The following GSTCD variants were observed in gnomAD, a reference collection of about 807,000 sequenced individuals.
GSTCD encodes glutathione S-transferase C-terminal domain-containing protein.
Under a neutral mutation model 68.3 loss-of-function variants are expected in GSTCD, and 44 were observed. The ratio of observed to expected loss-of-function variants is 0.64; its 90% CI spans 0.51 to 0.83. The LOEUF (loss-of-function observed/expected upper bound fraction) is 0.83. Among genes scored for constraint, GSTCD ranks in the 40% least tolerant of loss-of-function variants. The pLI is 0.00. For missense variants in GSTCD, 739 were observed against 735.9 expected (o/e 1.00, Z -0.05); for synonymous variants, 273 against 255.2 (o/e 1.07, Z -0.67).
intron 5 of GSTCD, among the ~76,000 whole-genome samples, chr4:105,735,755 G>T (rs1049969845): frequency 1.6e-4 from 25 of 152,118 alleles, no homozygotes; most frequent in Admixed American, 5.9e-4. Flanking sequence ...ATCACTCCGT[G>T]TGATTTCTTC....
intron 3 of GSTCD, among the ~76,000 whole-genome samples, chr4:105,722,187 C>G (rs1412430171): frequency 6.6e-6 from 1 of 152,106 alleles, no homozygotes; most frequent in Non-Finnish European, 1.5e-5. Context: ...TACACACACA[C>G]ACACAGACAT....
At chr4:105,770,117 G>A (rs1734784847) in intron 5 of GSTCD, among the ~76,000 whole-genome samples, 1 of 152,124 alleles carries the variant, frequency 6.6e-6, no homozygotes, top group Admixed American at 6.5e-5. Context: ...TTGACAGATT[G>A]GCAGAAGAAA....
intron 5 of GSTCD, among the ~76,000 whole-genome samples, chr4:105,771,720 T>C (rs1734855709): frequency 6.6e-6 from 1 of 152,164 alleles, no homozygotes; most frequent in South Asian, 2.1e-4. Flanking sequence ...TTCTGTTCCA[T>C]TCGTCTATAT....
chr4:105,751,728 A>G (rs988835118), intron 5 of GSTCD, among the ~76,000 whole-genome samples: 1 of 138,966 alleles, frequency 7.2e-6, no homozygotes, highest in African/African-American at 3.4e-5. Context: ...TGTTATGTTC[A>G]TGGAGAAGGA....
At chr4:105,833,179 C>T (rs1723969553) in intron 8 of GSTCD, among the ~76,000 whole-genome samples, 1 of 152,082 alleles carries the variant, frequency 6.6e-6, no homozygotes. Context: ...TAATATTTTA[C>T]TTTCGCTGGG....
chr4:105,734,047 G>T (rs1373611915), intron 5 of GSTCD, among the ~76,000 whole-genome samples: 1 of 152,222 alleles, frequency 6.6e-6, no homozygotes, highest in African/African-American at 2.4e-5. Flanking sequence ...GATTTCTGCT[G>T]AGAGATCAGC....
At chr4:105,788,609 T>C (rs1245807848) in intron 5 of GSTCD, among the ~76,000 whole-genome samples, 1 of 151,868 alleles carries the variant, frequency 6.6e-6, no homozygotes, top group African/African-American at 2.4e-5. Context: ...ATATCTCACT[T>C]AAAAAAAAGT....
At chr4:105,771,627 A>G (rs1482538361) in intron 5 of GSTCD, among the ~76,000 whole-genome samples, 1 of 152,166 alleles carries the variant, frequency 6.6e-6, no homozygotes, top group East Asian at 1.9e-4. Flanking sequence ...TAAATAGGGA[A>G]TCCTTTTCCC....
chr4:105,815,472 T>C (rs1374890410), intron 5 of GSTCD, among the ~76,000 whole-genome samples: 1 of 152,134 alleles, frequency 6.6e-6, no homozygotes, highest in African/African-American at 2.4e-5. Flanking sequence ...ACTTTAGATA[T>C]TCAGCATTTC....
At chr4:105,729,060 A>G (rs1033660997) in intron 4 of GSTCD, among the ~76,000 whole-genome samples, 1 of 152,048 alleles carries the variant, frequency 6.6e-6, no homozygotes, top group East Asian at 1.9e-4. Flanking sequence ...TATTATTTCT[A>G]TGTGGATTGT....
chr4:105,738,318 G>A (rs955015340), intron 5 of GSTCD, among the ~76,000 whole-genome samples: 1 of 152,156 alleles, frequency 6.6e-6, no homozygotes, highest in Non-Finnish European at 1.5e-5. Flanking sequence ...AAAATAGGTT[G>A]TATGAGGCCT....
intron 5 of GSTCD, among the ~76,000 whole-genome samples, chr4:105,791,016 AT>A (rs1735643478): frequency 6.6e-6 from 1 of 151,958 alleles, no homozygotes; most frequent in South Asian, 2.1e-4. Flanking sequence ...AAGTGAACTG[AT>A]TTTTCTCATG....
chr4:105,811,377 C>T (rs1383584435), intron 5 of GSTCD, among the ~76,000 whole-genome samples: 3 of 151,752 alleles, frequency 2.0e-5, no homozygotes, highest in Non-Finnish European at 4.4e-5. Context: ...GATGATACAT[C>T]ATGGCGTGTT....
At position 105,717,724 on chromosome 4, in the gene GSTCD, G is replaced by T. The variant is rs1371011303; in HGVS notation, c.111G>T (p.Leu37=). The part of the protein sequence containing the change: ...FPLHTSVTLF[L]LSYCDCKIFK... ...TTCATACATCTGTAACTTTATTTCT[G>T]TTATCTTACTGTGACTGTAAAATCT... The change falls in exon 2 of 12, where the codon CTG becomes CTT. Residue 37 remains leucine (L), a synonymous_variant. Coordinates refer to ENST00000515279, the MANE Select transcript of GSTCD (RefSeq NM_001370181.1). 6 of 1,613,544 alleles carry T rather than the reference G, an allele frequency of 3.7e-6. No homozygotes were observed. Among genetic ancestry groups the T allele is most frequent in the Non-Finnish European group, 5.1e-6 (6 of 1,179,704 alleles).
At chr4:105,763,874 C>T (rs1184339266) in intron 5 of GSTCD, among the ~76,000 whole-genome samples, 3 of 151,626 alleles carry the variant, frequency 2.0e-5, no homozygotes, top group African/African-American at 4.8e-5. Flanking sequence ...TTGATTTTTC[C>T]CCAGAGGTAG....
intron 5 of GSTCD, among the ~76,000 whole-genome samples, chr4:105,744,328 T>A (rs530061602): frequency 2.0e-5 from 3 of 152,224 alleles, no homozygotes; most frequent in Non-Finnish European, 4.4e-5. Context: ...TAATAAGTAA[T>A]TTGTAGAGAG....
At position 105,780,315 on chromosome 4, in the gene GSTCD, G is replaced by A. The variant is rs114897444; in HGVS notation, c.1241-42639G>A. Among the ~76,000 whole-genome samples, 477 of 152,248 alleles carry A rather than the reference G, an allele frequency of 3.1e-3. 3 individuals carry two copies. The highest frequency in any genetic ancestry group is 0.01 in the Middle Eastern group (3 of 294). On this transcript the variant is annotated intron_variant, in intron 5 of 11. Transcript: ENST00000515279. ...AGGGAAGCGCTGTCTCACAATATTC[G>A]CCTGCCTTGTTCATTGGCTCACTGG... is the stretch of plus-strand genomic sequence containing the variant.
chr4:105,722,226 C>T lies in GSTCD; in HGVS notation c.894+2699C>T, dbSNP rs1272569104. On this transcript the variant is annotated intron_variant, in intron 3 of 11. Coordinates refer to ENST00000515279, the MANE Select transcript of GSTCD (RefSeq NM_001370181.1). Reference sequence around the variant, plus strand: ...TATTAGCTTAGGTAAAATCATTCCTCTTTTAGAAATTGATTTTTTAGCAAA... The same window carrying T: ...TATTAGCTTAGGTAAAATCATTCCTTTTTTAGAAATTGATTTTTTAGCAAA... Among the ~76,000 whole-genome samples the T allele has an allele frequency of 2.0e-5, 3 of 152,002 alleles. No homozygotes were observed. In the East Asian group the frequency reaches 5.8e-4, roughly 29 times the overall value.
chr4:105,739,195 A>T (rs560650276), intron 5 of GSTCD, among the ~76,000 whole-genome samples: 1 of 152,320 alleles, frequency 6.6e-6, no homozygotes, highest in Non-Finnish European at 1.5e-5. Context: ...CCACTTGATC[A>T]TGGTAATGAG....
Sources: gnomAD v4.1 joint callset for allele counts (sites outside exome capture counted in the v4.1 genomes callset) on GRCh38, gnomAD v4.1.1 for gene constraint, MANE v1.5 for transcripts, NCBI Gene and HGNC (gene_info 2026-07-23, HGNC 2026-07-21) for gene names.